ROBO2: variants seen among roughly 807,000 people sequenced by gnomAD.
ROBO2 encodes roundabout guidance receptor 2, also known as roundabout homolog 2.
Under a neutral mutation model 160.8 loss-of-function variants are expected in ROBO2, and 53 were observed. The observed-to-expected ratio is 0.33, with a 90% CI of 0.26 to 0.41. ROBO2 has a LOEUF of 0.41. ROBO2 is among the 10% of genes least tolerant of loss of function. The probability of loss-of-function intolerance (pLI) is 1.00; values close to 1 mark genes in which losing one functional copy is unlikely to be tolerated. For missense variants in ROBO2, 1,577 were observed against 1,722.4 expected, an observed-to-expected ratio of 0.92 and a Z score of 1.49; for synonymous variants, 664 against 611.7, an observed-to-expected ratio of 1.09 and a Z score of -1.26.
chr3:76,151,454 G>C lies in ROBO2; in HGVS notation c.109+213852G>C, dbSNP rs902112877. Among the ~76,000 whole-genome samples the C allele has an allele frequency of 6.6e-5, 10 of 152,232 alleles. 1 individual carries two copies. In the South Asian group the frequency reaches 1.2e-3, roughly 19 times the overall value. ...TTTCCAAAGCTCTAATTTTAAGAAT[G>C]CTCTTTTTATATGATGAGCTAATAT... On this transcript the variant is annotated intron_variant, in intron 2 of 26. Coordinates refer to the ROBO2 transcript ENST00000487694.
chr3:76,700,760 T>C (rs990397647), intron 2 of ROBO2, among the ~76,000 whole-genome samples: 1 of 152,132 alleles, frequency 6.6e-6, no homozygotes. Context: ...GGAAGCTTTC[T>C]CTCCTTAAGG....
At chr3:76,832,904 G>A (rs1365475562) in intron 2 of ROBO2, among the ~76,000 whole-genome samples, 11 of 152,104 alleles carry the variant, frequency 7.2e-5, no homozygotes, top group Admixed American at 7.2e-4. Context: ...TTCTTTATCA[G>A]AGAGAAAACA....
chr3:77,198,796 G>A (rs953864387), intron 2 of ROBO2, among the ~76,000 whole-genome samples: 2 of 152,094 alleles, frequency 1.3e-5, no homozygotes, highest in South Asian at 2.1e-4. Context: ...CCAGCTACTC[G>A]GGAGGCTGAG....
chr3:76,998,912 T>C (rs1415080660), intron 2 of ROBO2, among the ~76,000 whole-genome samples: 1 of 152,178 alleles, frequency 6.6e-6, no homozygotes, highest in Non-Finnish European at 1.5e-5. Flanking sequence ...GATCTTAATA[T>C]TCATATCTAC....
chr3:76,993,361 G>A (rs1233319043), intron 2 of ROBO2, among the ~76,000 whole-genome samples: 1 of 152,142 alleles, frequency 6.6e-6, no homozygotes, highest in Non-Finnish European at 1.5e-5. Flanking sequence ...AAATTCAAAT[G>A]TATCTTAGAG....
intron 2 of ROBO2, among the ~76,000 whole-genome samples, chr3:76,615,896 A>C (rs1266195230): frequency 6.6e-6 from 1 of 152,238 alleles, no homozygotes; most frequent in Admixed American, 6.5e-5. Context: ...TCAGAGGCTC[A>C]GAATGTAAAT....
chr3:76,759,512 C>A (rs1219510293), intron 2 of ROBO2, among the ~76,000 whole-genome samples: 1 of 151,338 alleles, frequency 6.6e-6, no homozygotes, highest in Non-Finnish European at 1.5e-5. Flanking sequence ...AGAAGGTTGG[C>A]GATATGGCAC....
intron 1 of ROBO2, among the ~76,000 whole-genome samples, chr3:77,046,189 G>A (rs1317757542): frequency 6.6e-6 from 1 of 152,170 alleles, no homozygotes; most frequent in Non-Finnish European, 1.5e-5. Context: ...CAAAGCAGCT[G>A]TGCTACTTTA....
chr3:75,922,577 G>A (rs1028915812), intron 1 of ROBO2, among the ~76,000 whole-genome samples: 8 of 152,060 alleles, frequency 5.3e-5, no homozygotes, highest in Non-Finnish European at 7.4e-5. Flanking sequence ...TACATTGACA[G>A]GAAACTGTAT....
intron 2 of ROBO2, among the ~76,000 whole-genome samples, chr3:77,376,987 A>G (rs1174081471): frequency 6.6e-6 from 1 of 152,188 alleles, no homozygotes; most frequent in Non-Finnish European, 1.5e-5. Flanking sequence ...CATTCTCATT[A>G]AGTAGAAATT....
chr3:77,544,352 C>T (rs1273042073), intron 6 of ROBO2, among the ~76,000 whole-genome samples: 4 of 151,446 alleles, frequency 2.6e-5, no homozygotes, highest in African/African-American at 7.3e-5. Context: ...ACCTATACCA[C>T]GCTCTGTTCA....
chr3:77,496,549 T>A (rs2086809742), intron 5 of ROBO2, among the ~76,000 whole-genome samples: 1 of 152,194 alleles, frequency 6.6e-6, no homozygotes, highest in Admixed American at 6.5e-5. Context: ...AGATGGCCAT[T>A]GTTCTTGTAT....
At chr3:76,093,448 C>T (rs2108109772) in intron 2 of ROBO2, among the ~76,000 whole-genome samples, 1 of 148,390 alleles carries the variant, frequency 6.7e-6, no homozygotes, top group East Asian at 2.0e-4. Flanking sequence ...CACAGGCCTG[C>T]TTGAAAAAAA....
intron 2 of ROBO2, among the ~76,000 whole-genome samples, chr3:76,927,029 G>A (rs766542457): frequency 6.6e-6 from 1 of 152,080 alleles, no homozygotes; most frequent in Non-Finnish European, 1.5e-5. Context: ...GAACACATGA[G>A]ATTACTGACG....
rs192801563 is a variant in ROBO2 at position 76,057,950 on chromosome 3, A to T, written c.109+120348A>T. ...GATAGGTAGTTAAAAATACAGTACA[A>T]TAAATCACTGCCTTTACCGTGTGTT... On this transcript the variant is annotated intron_variant, in intron 2 of 26. Coordinates refer to the ROBO2 transcript ENST00000487694. 2.0e-5 allele frequency among the ~76,000 whole-genome samples: 3 copies of T among 152,340 alleles called. No homozygotes were observed. In the East Asian group the frequency reaches 5.8e-4, roughly 29 times the overall value.
intron 2 of ROBO2, among the ~76,000 whole-genome samples, chr3:77,435,764 A>G (rs1560825765): frequency 6.6e-6 from 1 of 151,812 alleles, no homozygotes; most frequent in African/African-American, 2.4e-5. Flanking sequence ...AACAGGGTGG[A>G]CAAAGGTCGT....
intron 2 of ROBO2, among the ~76,000 whole-genome samples, chr3:77,139,470 G>GTATTAATACA (rs1188252481): frequency 2.0e-5 from 3 of 152,098 alleles, no homozygotes; most frequent in Non-Finnish European, 4.4e-5. Flanking sequence ...CAGCCTTGCA[G>GTATTAATACA]CCACATCTAC....
chr3:76,119,296 C>T (rs1211054534), intron 2 of ROBO2, among the ~76,000 whole-genome samples: 2 of 152,014 alleles, frequency 1.3e-5, no homozygotes, highest in African/African-American at 4.8e-5. Flanking sequence ...GGTGTGTTTT[C>T]TGTTCAATTC....
intron 1 of ROBO2, among the ~76,000 whole-genome samples, chr3:77,050,572 T>G (rs2065120341): frequency 6.6e-6 from 1 of 152,060 alleles, no homozygotes; most frequent in Non-Finnish European, 1.5e-5. Context: ...TTGTGTGTTT[T>G]TTTTTTTTGT....
Sources: gnomAD v4.1 joint callset for allele counts (sites outside exome capture counted in the v4.1 genomes callset) on GRCh38, gnomAD v4.1.1 for gene constraint, MANE v1.5 for transcripts, NCBI Gene and HGNC (gene_info 2026-07-23, HGNC 2026-07-21) for gene names.